BIRC6: variants seen among roughly 807,000 people sequenced by gnomAD.
The protein encoded by BIRC6 is baculoviral IAP repeat containing 6.
BIRC6 carries 98 observed loss-of-function variants against 503.3 expected under a neutral mutation model. That is an observed-to-expected ratio of 0.19 (90% CI 0.17 to 0.23). The LOEUF (loss-of-function observed/expected upper bound fraction) is 0.23, where lower values mean the gene tolerates loss of function less well. Among genes scored for constraint, BIRC6 ranks in the 10% least tolerant of loss-of-function variants. BIRC6 has a pLI of 1.00. For synonymous variants in BIRC6, 2,240 were observed against 2,078.7 expected (o/e 1.08, Z -2.11); for missense variants, 5,360 against 5,806.0 (o/e 0.92, Z 2.50).
chr2:32,478,894 C>G, intron 36 of BIRC6, 76 bp downstream of exon 36: 1 of 1,435,918 alleles, frequency 7.0e-7, no homozygotes. Context: ...TCAAAGGGAT[C>G]TTTAACCCCT....
intron 65 of BIRC6, among the ~76,000 whole-genome samples, chr2:32,550,517 A>G (rs1559033960): frequency 6.6e-6 from 1 of 152,102 alleles, no homozygotes; most frequent in African/African-American, 2.4e-5. Context: ...TGTCAAATGC[A>G]TAATTTTTTT....
At chr2:32,403,740 A>G (rs1484044665) in intron 8 of BIRC6, among the ~76,000 whole-genome samples, 1 of 152,162 alleles carries the variant, frequency 6.6e-6, no homozygotes, top group Non-Finnish European at 1.5e-5. Context: ...ATTGCTTTGT[A>G]AAAGGTTTTG....
chr2:32,458,664 T>C (rs2047503942), intron 23 of BIRC6, among the ~76,000 whole-genome samples: 3 of 151,348 alleles, frequency 2.0e-5, no homozygotes, highest in African/African-American at 7.3e-5. Flanking sequence ...TATTTGGCCT[T>C]TTGTTAATAC....
intron 3 of BIRC6, among the ~76,000 whole-genome samples, chr2:32,384,845 A>ACT (rs1484582530): frequency 6.6e-6 from 1 of 152,126 alleles, no homozygotes; most frequent in Non-Finnish European, 1.5e-5. Flanking sequence ...AATGTGTATA[A>ACT]CTTCTCCCAT....
chr2:32,452,574 C>T (rs1158282113), intron 22 of BIRC6, among the ~76,000 whole-genome samples: 1 of 152,078 alleles, frequency 6.6e-6, no homozygotes, highest in African/African-American at 2.4e-5. Flanking sequence ...GGGGATTTCA[C>T]TCATGTTCTT....
chr2:32,363,968 G>A (rs2034502130), intron 1 of BIRC6, among the ~76,000 whole-genome samples: 1 of 152,182 alleles, frequency 6.6e-6, no homozygotes, highest in Non-Finnish European at 1.5e-5. Flanking sequence ...ATAAATGTTT[G>A]TAACAAATAT....
intron 57 of BIRC6, chr2:32,522,605 A>C (rs527646542): frequency 6.6e-6 from 1 of 152,320 alleles, no homozygotes; most frequent in East Asian, 1.9e-4. Context: ...AATAGAATTA[A>C]GGTACCAGGT....
chr2:32,482,352 G>C, intron 38 of BIRC6, 77 bp from the exon 39 acceptor site: 2 of 1,405,520 alleles, frequency 1.4e-6, no homozygotes, highest in Non-Finnish European at 2.0e-6. Context: ...GTTCTGTTTG[G>C]GTTTAGATAA....
intron 66 of BIRC6, among the ~76,000 whole-genome samples, chr2:32,589,173 AT>A: frequency 6.6e-6 from 1 of 152,234 alleles, no homozygotes; most frequent in Middle Eastern, 3.4e-3. Context: ...AAAAAATCTT[AT>A]TTGCTGCCAG....
chr2:32,486,320 C>G (rs2050988323), intron 40 of BIRC6, among the ~76,000 whole-genome samples: 1 of 152,160 alleles, frequency 6.6e-6, no homozygotes, highest in Non-Finnish European at 1.5e-5. Flanking sequence ...TGAAACTACT[C>G]AACTCTGACT....
intron 3 of BIRC6, among the ~76,000 whole-genome samples, chr2:32,385,618 C>A (rs994164908): frequency 1.3e-5 from 2 of 152,208 alleles, no homozygotes; most frequent in Non-Finnish European, 2.9e-5. Flanking sequence ...TAGGTTGCCA[C>A]AGGCTCCTTA....
rs1417967759 is a variant in BIRC6 at position 32,414,804 on chromosome 2, C to G, written c.1513C>G (p.Leu505Val). The G allele has an allele frequency of 1.2e-6, 2 of 1,613,730 alleles. No homozygotes were observed. Among genetic ancestry groups the G allele is most frequent in the East Asian group, 4.5e-5 (2 of 44,874 alleles). The change falls in exon 10 of 74, where the codon CTT becomes GTT. Residue 505 changes from leucine to valine, a missense_variant. Leu to Val is a conservative substitution (Grantham distance 32, BLOSUM62 1). Coordinates refer to ENST00000421745, the MANE Select transcript of BIRC6 (RefSeq NM_016252.4). ...ACAGAAGGAAGCCATGGAAGTAAGCCTTGATATAACAGCACTCAGCATTCT... is the reference window on the plus strand; with the variant it reads ...ACAGAAGGAAGCCATGGAAGTAAGCGTTGATATAACAGCACTCAGCATTCT... ...TSQKEAMEVSLDITALSILQQ... is the reference protein window; with the variant it reads ...TSQKEAMEVSVDITALSILQQ...
intron 26 of BIRC6, 56 bp downstream of exon 26, chr2:32,465,220 C>A: frequency 4.1e-5 from 28 of 690,242 alleles, no homozygotes; most frequent in East Asian, 7.2e-5. Flanking sequence ...GTCTGCCGGC[C>A]TTTTAAAGAC....
At chr2:32,460,594 A>G (rs1240118884) in intron 23 of BIRC6, among the ~76,000 whole-genome samples, 1 of 151,736 alleles carries the variant, frequency 6.6e-6, no homozygotes, top group African/African-American at 2.4e-5. Context: ...ATATTTTTTT[A>G]TAACTAGAGT....
At chr2:32,405,889 T>A (rs765993952) in intron 8 of BIRC6, among the ~76,000 whole-genome samples, 1 of 152,212 alleles carries the variant, frequency 6.6e-6, no homozygotes, top group Non-Finnish European at 1.5e-5. Flanking sequence ...GCCCAAACTG[T>A]CCTTAGTCAC....
At chr2:32,573,762 A>C (rs1451272946) in intron 65 of BIRC6, among the ~76,000 whole-genome samples, 1 of 152,232 alleles carries the variant, frequency 6.6e-6, no homozygotes, top group Non-Finnish European at 1.5e-5. Context: ...TACTAAAAAG[A>C]AAGTTGATTT....
chr2:32,467,487 A>T (rs1165642464), intron 26 of BIRC6, 38 bp from the exon 27 acceptor site: 3 of 1,512,466 alleles, frequency 2.0e-6, no homozygotes, highest in Admixed American at 1.7e-5. Flanking sequence ...TGGTTAATTG[A>T]TATATTTTTG....
chr2:32,408,702 A>G (rs905546239), intron 9 of BIRC6, among the ~76,000 whole-genome samples: 3 of 152,110 alleles, frequency 2.0e-5, no homozygotes, highest in Non-Finnish European at 2.9e-5. Flanking sequence ...TACTGTAATC[A>G]TGTTTACTTT....
rs1392601023 is a variant in BIRC6 at position 32,593,792 on chromosome 2, T to C, written c.13356-123T>C. 3 of 861,560 alleles carry C rather than the reference T, an allele frequency of 3.5e-6. No individual in the cohort carries two copies. In the African/African-American group the frequency reaches 5.2e-5, roughly 15 times the overall value. The allele number at this position is 861,560 out of a possible 1,614,324, so 53.4% of individuals were successfully genotyped here. ...CTAGCCAGTGGCTTCAAAAGCAAGT[T>C]AATATAGATCATGTGTGTGACAAAT... On this transcript the variant is annotated intron_variant, in intron 66 of 73. Transcript: ENST00000421745.
Sources: gnomAD v4.1 joint callset for allele counts (sites outside exome capture counted in the v4.1 genomes callset) on GRCh38, gnomAD v4.1.1 for gene constraint, MANE v1.5 for transcripts, NCBI Gene and HGNC (gene_info 2026-07-23, HGNC 2026-07-21) for gene names.